The following MAST4 variants were observed in gnomAD, a reference collection of about 807,000 sequenced individuals.
MAST4 encodes the protein microtubule-associated serine/threonine-protein kinase 4.
Under a neutral mutation model 162.7 loss-of-function variants are expected in MAST4, and 89 were observed. That is an observed-to-expected ratio of 0.55 (90% CI 0.46 to 0.65). The LOEUF is 0.65. Among genes scored for constraint, MAST4 ranks in the 30% least tolerant of loss-of-function variants. The pLI is 0.00. For missense variants in MAST4, 3,153 were observed against 3,374.0 expected (o/e 0.93, Z 1.62); for synonymous variants, 1,479 against 1,361.1 (o/e 1.09, Z -1.91).
chr5:66,983,156 C>G (rs1239804606), intron 4 of MAST4, among the ~76,000 whole-genome samples: 1 of 152,140 alleles, frequency 6.6e-6, no homozygotes, highest in Non-Finnish European at 1.5e-5. Flanking sequence ...CTCATCATAC[C>G]TATATGTACC....
At chr5:66,771,936 A>G (rs1754377895) in intron 2 of MAST4, among the ~76,000 whole-genome samples, 2 of 152,148 alleles carry the variant, frequency 1.3e-5, no homozygotes, top group African/African-American at 4.8e-5. Context: ...CCTATCCTTC[A>G]TGCATTGTGC....
intron 5 of MAST4, among the ~76,000 whole-genome samples, chr5:67,057,519 G>C (rs1480956434): frequency 6.6e-6 from 1 of 150,780 alleles, no homozygotes; most frequent in Non-Finnish European, 1.5e-5. Flanking sequence ...GTGGTCTGGA[G>C]CATGTCTTCA....
At chr5:66,820,731 T>A (rs1447479313) in intron 3 of MAST4, among the ~76,000 whole-genome samples, 1 of 152,216 alleles carries the variant, frequency 6.6e-6, no homozygotes, top group Non-Finnish European at 1.5e-5. Flanking sequence ...ATATTTCATA[T>A]GTATATAAGG....
chr5:66,731,991 T>C (rs1475475618), intron 1 of MAST4, among the ~76,000 whole-genome samples: 2 of 151,992 alleles, frequency 1.3e-5, no homozygotes, highest in East Asian at 3.9e-4. Flanking sequence ...TCCAAGTATC[T>C]GCCCAAGTGT....
chr5:66,686,622 G>C (rs1235968122), intron 1 of MAST4, among the ~76,000 whole-genome samples: 2 of 152,180 alleles, frequency 1.3e-5, no homozygotes, highest in African/African-American at 4.8e-5. Flanking sequence ...ATTCCAATTG[G>C]ATGCTTGGGA....
At chr5:66,959,280 G>A (rs767263959) in intron 4 of MAST4, 2 of 779,728 alleles carry the variant, frequency 2.6e-6, no homozygotes, top group East Asian at 2.4e-5. Context: ...TACAGATTCC[G>A]GGGCTGACCT....
At chr5:66,656,738 T>G (rs1361203732) in intron 1 of MAST4, among the ~76,000 whole-genome samples, 1 of 152,266 alleles carries the variant, frequency 6.6e-6, no homozygotes, top group Non-Finnish European at 1.5e-5. Context: ...TGCTGTGTCT[T>G]GACTTTATGA....
chr5:66,781,486 T>C (rs890183518), intron 2 of MAST4, among the ~76,000 whole-genome samples: 2 of 152,346 alleles, frequency 1.3e-5, no homozygotes, highest in East Asian at 3.9e-4. Context: ...ATTGTTCTTT[T>C]TGTTTCTAGT....
At chr5:66,597,352 C>CA (rs1417783652) in intron 1 of MAST4, among the ~76,000 whole-genome samples, 1 of 152,228 alleles carries the variant, frequency 6.6e-6, no homozygotes, top group African/African-American at 2.4e-5. Context: ...CCCCACAACT[C>CA]ACCTCTGATT....
At chr5:66,674,836 C>T (rs1349014726) in intron 1 of MAST4, among the ~76,000 whole-genome samples, 7 of 152,072 alleles carry the variant, frequency 4.6e-5, no homozygotes, top group Admixed American at 1.3e-4. Flanking sequence ...AGTCCTTGGT[C>T]GCAAACAACA....
intron 10 of MAST4, among the ~76,000 whole-genome samples, chr5:67,108,855 G>A (rs1027099475): frequency 2.0e-5 from 3 of 152,168 alleles, no homozygotes; most frequent in South Asian, 2.1e-4. Context: ...CTTCAAGAAC[G>A]ATTGTAAATG....
At chr5:66,691,212 A>G (rs1407903512) in intron 1 of MAST4, among the ~76,000 whole-genome samples, 1 of 152,030 alleles carries the variant, frequency 6.6e-6, no homozygotes, top group Non-Finnish European at 1.5e-5. Flanking sequence ...GAAAAAAGAC[A>G]TTTTTCTTTG....
At chr5:66,918,884 A>T (rs773561789) in intron 4 of MAST4, among the ~76,000 whole-genome samples, 4 of 152,218 alleles carry the variant, frequency 2.6e-5, no homozygotes, top group Non-Finnish European at 5.9e-5. Flanking sequence ...ATTGTTTTAA[A>T]AATTGAGATT....
At chr5:66,998,096 A>G (rs1414436904) in intron 4 of MAST4, among the ~76,000 whole-genome samples, 2 of 152,256 alleles carry the variant, frequency 1.3e-5, no homozygotes, top group Non-Finnish European at 2.9e-5. Context: ...CAAGAAAAGA[A>G]GAACGGATAA....
chr5:66,756,666 A>G (rs934517878), intron 1 of MAST4, among the ~76,000 whole-genome samples: 3 of 152,252 alleles, frequency 2.0e-5, no homozygotes, highest in African/African-American at 7.2e-5. Context: ...AGGACAAAAA[A>G]TGAAAAATAA....
At chr5:67,153,379 A>G in intron 25 of MAST4, 79 bp from the exon 26 acceptor site, 1 of 1,435,922 alleles carries the variant, frequency 7.0e-7, no homozygotes, top group Admixed American at 2.4e-5. Flanking sequence ...TAATTAACTC[A>G]TTATTCTCCC....
At chr5:66,767,399 G>A (rs1754150171) in intron 2 of MAST4, among the ~76,000 whole-genome samples, 1 of 152,080 alleles carries the variant, frequency 6.6e-6, no homozygotes, top group African/African-American at 2.4e-5. Flanking sequence ...ATGATAAATA[G>A]GCATGTCAAG....
chr5:66,751,538 G>A (rs1312133991), intron 1 of MAST4, among the ~76,000 whole-genome samples: 3 of 152,150 alleles, frequency 2.0e-5, no homozygotes, highest in Non-Finnish European at 2.9e-5. Context: ...GGAAGAAAGG[G>A]TGTCAGCGAT....
At chr5:67,083,968 G>T (rs1167982442) in intron 5 of MAST4, among the ~76,000 whole-genome samples, 2 of 152,172 alleles carry the variant, frequency 1.3e-5, no homozygotes, top group Admixed American at 6.5e-5. Flanking sequence ...CATCAATTCA[G>T]AGTAATAAGG....
Sources: allele counts gnomAD v4.1 joint callset (sites outside exome capture counted in the v4.1 genomes callset), GRCh38; gene constraint gnomAD v4.1.1; transcripts MANE v1.5; gene names NCBI Gene and HGNC (gene_info 2026-07-23, HGNC 2026-07-21).